Variants in NBPF9 observed in about 807,000 individuals in gnomAD.
The protein encoded by NBPF9 is NBPF family member NBPF9.
A neutral mutation model predicts 97.8 loss-of-function variants in NBPF9; 91 were observed. The ratio of observed to expected loss-of-function variants is 0.93; its 90% CI spans 0.79 to 1.11. NBPF9 has a LOEUF of 1.11. NBPF9 is among the 50% of genes least tolerant of loss of function. NBPF9 has a pLI of 0.00. For synonymous variants in NBPF9, 334 were observed against 359.5 expected (o/e 0.93, Z 0.80); for missense variants, 992 against 939.5 (o/e 1.06, Z -0.73).
chr1:149,084,980 T>C (rs2080869994), intron 5 of NBPF9, among the ~76,000 whole-genome samples: 2 of 151,976 alleles, frequency 1.3e-5, no homozygotes, highest in Admixed American at 6.6e-5. Context: ...CAAGTAATGT[T>C]ATGAAATGGC....
intron 17 of NBPF9, among the ~76,000 whole-genome samples, chr1:149,069,084 G>A (rs1575834177): frequency 6.6e-6 from 1 of 152,144 alleles, no homozygotes; most frequent in African/African-American, 2.4e-5. Context: ...TGAGAACAAA[G>A]ACAAAACATA....
chr1:149,058,877 T>C (rs1409317183), intron 26 of NBPF9, 48 bp downstream of exon 26: 1 of 660,746 alleles, frequency 1.5e-6, no homozygotes, highest in Non-Finnish European at 2.8e-6. Context: ...ATCACCCCTA[T>C]CTGGAAGACC....
chr1:149,080,975 C>T (rs1357193496), intron 7 of NBPF9, among the ~76,000 whole-genome samples: 2 of 151,374 alleles, frequency 1.3e-5, no homozygotes, highest in Non-Finnish European at 2.9e-5. Context: ...GCTGAGGGTC[C>T]CTGCTTTGCA....
intron 14 of NBPF9, 68 bp from the exon 15 acceptor site, chr1:149,071,744 G>T (rs1204721274): frequency 5.8e-6 from 5 of 857,086 alleles, no homozygotes; most frequent in Admixed American, 1.9e-5. Context: ...TCAGCCCAAT[G>T]TGCAACAGAG....
exon 30 of NBPF9, chr1:149,055,704 C>A (rs782465063): frequency 9.3e-6 from 15 of 1,611,910 alleles, no homozygotes; most frequent in Non-Finnish European, 1.3e-5. Flanking sequence ...GGAGACTTGT[C>A]ACCGTCAAAG....
At chr1:149,065,937 G>A in intron 17 of NBPF9, 3 of 604,508 alleles carry the variant, frequency 5.0e-6, no homozygotes, top group Non-Finnish European at 8.7e-6. Context: ...AGGGCACCCA[G>A]ACTCTCCCTG....
At chr1:149,087,218 T>A (rs1201643931) in intron 5 of NBPF9, among the ~76,000 whole-genome samples, 9 of 151,724 alleles carry the variant, frequency 5.9e-5, no homozygotes, top group Non-Finnish European at 1.2e-4. Flanking sequence ...AATGTGCTGT[T>A]TATCGTATCA....
chr1:149,060,960 G>T (rs1170551639), intron 23 of NBPF9: 1 of 415,898 alleles, frequency 2.4e-6, no homozygotes, highest in Non-Finnish European at 4.3e-6. Context: ...TCAGTGAATT[G>T]TCCAGATGAC....
intron 14 of NBPF9, among the ~76,000 whole-genome samples, chr1:149,072,300 TG>T (rs199720208): frequency 0.018 from 2,808 of 152,196 alleles, 92 homozygotes; most frequent in African/African-American, 0.065. Flanking sequence ...AGAGACAATT[TG>T]TCTGCCACGG....
At chr1:149,079,368 G>C in intron 8 of NBPF9, 147 bp from the exon 9 acceptor site, 1 of 828,252 alleles carries the variant, frequency 1.2e-6, no homozygotes, top group Non-Finnish European at 2.1e-6. Flanking sequence ...CTGTGGCCAA[G>C]AGAAAGAATA....
rs587657571 is a variant in NBPF9 at position 149,076,509 on chromosome 1, T to A, written c.779-645A>T. Among the ~76,000 whole-genome samples, 178 of 142,824 alleles carry A rather than the reference T, an allele frequency of 1.2e-3. 1 individual carries two copies. The highest frequency in any genetic ancestry group is 3.8e-3 in the African/African-American group (148 of 39,166). The allele number at this position is 142,824 out of a possible 152,430, so 93.7% of individuals were successfully genotyped here. On this transcript the variant is annotated intron_variant, in intron 11 of 29. Coordinates refer to ENST00000584027, the Ensembl canonical transcript of NBPF9. ...GCGCCCCTGGTCAGAGACTTTATTT[T>A]TTTTTTTTTTTGAGATGGAGTCTCG...
chr1:149,100,616 C>A (rs1290142555), intron 3 of NBPF9, among the ~76,000 whole-genome samples: 4 of 152,006 alleles, frequency 2.6e-5, no homozygotes, highest in Non-Finnish European at 5.9e-5. Context: ...GGTGCTGGAT[C>A]AAGCAGACAC....
intron 26 of NBPF9, 49 bp from the exon 27 acceptor site, chr1:149,058,264 A>T (rs1332437993): frequency 1.2e-5 from 4 of 322,908 alleles, no homozygotes; most frequent in Non-Finnish European, 2.1e-5. Flanking sequence ...ATTCACCTAC[A>T]CCCATAACAG....
chr1:149,076,749 C>A (rs2079908779), intron 11 of NBPF9, among the ~76,000 whole-genome samples: 1 of 150,182 alleles, frequency 6.7e-6, no homozygotes, highest in Non-Finnish European at 1.5e-5. Flanking sequence ...ACCTCCTGAT[C>A]CACCCACCTC....
chr1:149,059,325 T>TC lies in NBPF9; in HGVS notation c.2586-229_2586-228insG, dbSNP rs2078447761. On this transcript the variant is annotated intron_variant, in intron 25 of 29. Coordinates refer to ENST00000584027, the Ensembl canonical transcript of NBPF9. Reference sequence around the variant, plus strand: ...AGACAGAGACAGAGAGAAAGTGACCTAGTGAATTGGCCGGGTGACACACTG... The same window carrying TC: ...AGACAGAGACAGAGAGAAAGTGACCTCAGTGAATTGGCCGGGTGACACACTG... 2.1e-5 allele frequency: 10 copies of TC among 472,182 alleles called. 3 individuals are homozygous for TC. The Admixed American group carries it at 2.6e-4, about 12-fold the overall frequency. 29.2% of individuals were successfully genotyped at this position (472,182 alleles called of 1,614,324 possible). A position where few individuals can be genotyped will look rare whatever the true frequency, so the allele number is the denominator to read the frequency against.
At chr1:149,064,930 C>T (rs1466404630) in intron 18 of NBPF9, 7 of 534,760 alleles carry the variant, frequency 1.3e-5, no homozygotes, top group Non-Finnish European at 2.3e-5. Context: ...TGGTTCTACA[C>T]AGTAGCATCA....
chr1:149,082,100 C>A lies in NBPF9; in HGVS notation c.40G>T (p.Glu14Ter). The A allele has an allele frequency of 6.2e-7, 1 of 1,611,260 alleles. No homozygotes were observed. Among genetic ancestry groups the A allele is most frequent in the Non-Finnish European group, 8.5e-7 (1 of 1,179,058 alleles). ...TCGTTGATTTCTAGAATGTTCATCT[C>A]TGCCTTCTCGCTGGACCAAGGGCCG... is the stretch of plus-strand genomic sequence containing the variant. Residue 14 changes from glutamate (E) to a stop codon, truncating the protein, a stop_gained, in exon 7 of 30, where the codon GAG becomes TAG. Coordinates refer to ENST00000584027, the Ensembl canonical transcript of NBPF9. LOFTEE classifies it high-confidence loss of function.
exon 22 of NBPF9, chr1:149,062,184 A>T (rs2078648875): frequency 1.1e-6 from 1 of 937,212 alleles, no homozygotes; most frequent in Non-Finnish European, 1.8e-6. Flanking sequence ...GTTCAAGATA[A>T]CCTGAAGGAG....
At position 149,073,641 on chromosome 1, in the gene NBPF9, C is replaced by A. The variant is rs587656790; in HGVS notation, c.1091+127G>T. 2.9e-4 allele frequency: 214 copies of A among 746,720 alleles called. 7 individuals carry two copies. The South Asian group carries it at 3.0e-3, about 10-fold the overall frequency. The allele number at this position is 746,720 out of a possible 1,614,324, so 46.3% of individuals were successfully genotyped here. On this transcript the variant is annotated intron_variant, in intron 13 of 29. Transcript: ENST00000584027. ...CTGTTTGATAAATATTTGTGTGTAGCGAGCCTGCCATGGCAATTCCTGCCC... is the reference window on the plus strand; with the variant it reads ...CTGTTTGATAAATATTTGTGTGTAGAGAGCCTGCCATGGCAATTCCTGCCC...
Sources: allele counts gnomAD v4.1 joint callset (sites outside exome capture counted in the v4.1 genomes callset), GRCh38; gene constraint gnomAD v4.1.1; transcripts MANE v1.5; gene names NCBI Gene and HGNC (gene_info 2026-07-23, HGNC 2026-07-21).